The following ZFHX3 variants were observed in gnomAD, a reference collection of about 807,000 sequenced individuals.
ZFHX3 encodes zinc finger homeobox 3, also known as zinc finger homeobox protein 3.
A neutral mutation model predicts 279.1 loss-of-function variants in ZFHX3; 42 were observed. That is an observed-to-expected ratio of 0.15 (90% confidence interval 0.12 to 0.19). The LOEUF (loss-of-function observed/expected upper bound fraction) is 0.19. Among genes scored for constraint, ZFHX3 ranks in the 10% least tolerant of loss-of-function variants. The probability of loss-of-function intolerance (pLI) is 1.00; values close to 1 mark genes in which losing one functional copy is unlikely to be tolerated. For synonymous variants in ZFHX3, 2,293 were observed against 1,957.8 expected (o/e 1.17, Z -4.52); for missense variants, 4,981 against 4,754.0 (o/e 1.05, Z -1.40).
chr16:73,384,833 C>T (rs866182635), intron 3 of ZFHX3, among the ~76,000 whole-genome samples: 11 of 152,222 alleles, frequency 7.2e-5, no homozygotes, highest in South Asian at 2.1e-4. Context: ...ATATTTCTCT[C>T]TTCCCATTTC....
At chr16:72,832,823 A>G (rs1287640721) in intron 4 of ZFHX3, among the ~76,000 whole-genome samples, 1 of 152,250 alleles carries the variant, frequency 6.6e-6, no homozygotes, top group Non-Finnish European at 1.5e-5. Context: ...ATGTGGAAAT[A>G]ATATATGTCT....
At chr16:72,909,138 G>A (rs535102889) in intron 3 of ZFHX3, among the ~76,000 whole-genome samples, 1 of 152,318 alleles carries the variant, frequency 6.6e-6, no homozygotes, top group Admixed American at 6.5e-5. Context: ...TGCATGAAAA[G>A]CGGTTTGGGG....
At chr16:73,564,631 C>T (rs1184510439) in intron 2 of ZFHX3, among the ~76,000 whole-genome samples, 32 of 152,284 alleles carry the variant, frequency 2.1e-4, no homozygotes, top group Admixed American at 2.1e-3. Context: ...GACCCAACAT[C>T]CCCCTGTATT....
chr16:73,435,960 G>A (rs528665364), intron 3 of ZFHX3, among the ~76,000 whole-genome samples: 54 of 152,334 alleles, frequency 3.5e-4, no homozygotes, highest in African/African-American at 1.3e-3. Flanking sequence ...ACGGCCCAGT[G>A]CACTAGGGAT....
chr16:73,009,397 T>A (rs1963833383), intron 1 of ZFHX3, among the ~76,000 whole-genome samples: 1 of 152,112 alleles, frequency 6.6e-6, no homozygotes, highest in African/African-American at 2.4e-5. Context: ...ACATTGTATG[T>A]AATTGCAAAC....
chr16:73,129,714 ATGTGTGTG>A (rs34767541), intron 7 of ZFHX3, among the ~76,000 whole-genome samples: 3 of 147,592 alleles, frequency 2.0e-5, no homozygotes, highest in South Asian at 4.3e-4. Flanking sequence ...GTGCATGTGT[ATGTGTGTG>A]TGTGTGTGTG....
At chr16:73,113,718 C>T (rs1966402707) in intron 7 of ZFHX3, among the ~76,000 whole-genome samples, 1 of 151,412 alleles carries the variant, frequency 6.6e-6, no homozygotes, top group Non-Finnish European at 1.5e-5. Context: ...GGGTATGATG[C>T]ATCCATTTCT....
chr16:72,946,888 C>T (rs796883411), intron 3 of ZFHX3, among the ~76,000 whole-genome samples: 18 of 152,220 alleles, frequency 1.2e-4, no homozygotes, highest in African/African-American at 3.9e-4. Context: ...AATTAAGGAC[C>T]CCGGAGCTCA....
chr16:73,301,925 G>C (rs2015065062), intron 4 of ZFHX3, among the ~76,000 whole-genome samples: 1 of 152,120 alleles, frequency 6.6e-6, no homozygotes, highest in South Asian at 2.1e-4. Context: ...CAAGGGCTGT[G>C]GGTGCTGCGG....
At chr16:73,531,614 C>A (rs950645639) in intron 2 of ZFHX3, among the ~76,000 whole-genome samples, 1 of 147,650 alleles carries the variant, frequency 6.8e-6, no homozygotes, top group African/African-American at 2.5e-5. Context: ...ACTCAGGAGG[C>A]TGAGGCAGGA....
At chr16:73,221,792 C>A (rs1022525063) in intron 5 of ZFHX3, among the ~76,000 whole-genome samples, 1 of 151,762 alleles carries the variant, frequency 6.6e-6, no homozygotes, top group African/African-American at 2.4e-5. Flanking sequence ...AAGTACTATT[C>A]AAATAAAAAG....
At chr16:73,887,007 A>G (rs1267179225) in intron 1 of ZFHX3, among the ~76,000 whole-genome samples, 1 of 152,184 alleles carries the variant, frequency 6.6e-6, no homozygotes, top group Admixed American at 6.5e-5. Context: ...TGGAAGAGGA[A>G]TGCAAAAAGA....
In ZFHX3 at chr16:72,861,583, G is replaced by A. The variant is rs1717634415; in HGVS notation, c.3448+28148C>T. On this transcript the variant is annotated intron_variant, in intron 4 of 9. Transcript: ENST00000268489. ...CCAAGGAAGCCCCAAACGCCTCCTG[G>A]AAAACCAGAGTCCAGGAATGGAAAA... 3.3e-5 allele frequency among the ~76,000 whole-genome samples: 5 copies of A among 152,156 alleles called. No homozygotes were observed. In the South Asian group the frequency reaches 1.0e-3, roughly 32 times the overall value.
intron 1 of ZFHX3, among the ~76,000 whole-genome samples, chr16:73,870,421 T>C (rs535438345): frequency 1.3e-5 from 2 of 152,114 alleles, no homozygotes; most frequent in African/African-American, 2.4e-5. Flanking sequence ...GAGACAAGAC[T>C]CAAGGAGAGA....
In ZFHX3 at chr16:73,781,228, G is replaced by A. The variant is rs183057512; in HGVS notation, c.-1607-100988C>T. 7.2e-4 allele frequency among the ~76,000 whole-genome samples: 109 copies of A among 152,266 alleles called. 1 individual carries two copies. The highest frequency in any genetic ancestry group is 1.2e-3 in the Admixed American group (19 of 15,298). On this transcript the variant is annotated intron_variant, in intron 1 of 17. Transcript: ENST00000641206. The stretch of plus-strand genomic sequence containing the variant: ...ATCTGGAATCACGATGCTTTTTTCC[G>A]TGAGATCCATGATTCTCAAACTTCA...
intron 1 of ZFHX3, among the ~76,000 whole-genome samples, chr16:73,055,694 GCGCGCA>G (rs1461911718): frequency 0.031 from 4,243 of 138,012 alleles, 82 homozygotes; most frequent in Non-Finnish European, 0.044. Flanking sequence ...GCGCGCGCGC[GCGCGCA>G]CACACACACA....
intron 4 of ZFHX3, among the ~76,000 whole-genome samples, chr16:72,842,424 G>A (rs1255455712): frequency 2.0e-5 from 3 of 152,096 alleles, no homozygotes; most frequent in South Asian, 2.1e-4. Flanking sequence ...TGGACAGTGA[G>A]AGAATAAGGA....
chr16:73,485,638 C>T (rs1010493294), intron 2 of ZFHX3, among the ~76,000 whole-genome samples: 1 of 152,140 alleles, frequency 6.6e-6, no homozygotes, highest in Admixed American at 6.5e-5. Context: ...CACTAAGTGT[C>T]TTTCTGTGTG....
At chr16:73,846,618 C>G (rs1200274030) in intron 1 of ZFHX3, among the ~76,000 whole-genome samples, 1 of 152,150 alleles carries the variant, frequency 6.6e-6, no homozygotes, top group African/African-American at 2.4e-5. Context: ...AAGCACAGGC[C>G]TCAGATGCCT....
Sources: allele counts gnomAD v4.1 joint callset (sites outside exome capture counted in the v4.1 genomes callset), GRCh38; gene constraint gnomAD v4.1.1; transcripts MANE v1.5; gene names NCBI Gene and HGNC (gene_info 2026-07-23, HGNC 2026-07-21).